ARAP2: variants seen among roughly 807,000 people sequenced by gnomAD.
ARAP2 encodes ArfGAP with RhoGAP domain, ankyrin repeat and PH domain 2, also known as arf-GAP with Rho-GAP domain, ANK repeat and PH domain-containing protein 2.
A neutral mutation model predicts 194.5 loss-of-function variants in ARAP2; 148 were observed. The observed-to-expected ratio is 0.76, with a 90% CI of 0.67 to 0.87. The LOEUF is 0.87. Among genes scored for constraint, ARAP2 ranks in the 40% least tolerant of loss-of-function variants. The pLI is 0.00. For synonymous variants in ARAP2, 695 were observed against 683.5 expected (o/e 1.02, Z -0.26); for missense variants, 2,128 against 1,989.7 (o/e 1.07, Z -1.32).
intron 9 of ARAP2, among the ~76,000 whole-genome samples, chr4:36,167,471 A>C (rs1042436614): frequency 5.3e-5 from 8 of 152,172 alleles, no homozygotes; most frequent in African/African-American, 1.9e-4. Flanking sequence ...CAAAGGAAGA[A>C]GGTTACATGG....
chr4:36,238,731 A>G (rs1325758773), intron 1 of ARAP2, among the ~76,000 whole-genome samples: 1 of 152,236 alleles, frequency 6.6e-6, no homozygotes, highest in Non-Finnish European at 1.5e-5. Flanking sequence ...AAATTAAGGG[A>G]GAACATCTTT....
At chr4:36,175,058 T>C (rs966748225) in intron 9 of ARAP2, among the ~76,000 whole-genome samples, 9 of 152,206 alleles carry the variant, frequency 5.9e-5, no homozygotes, top group African/African-American at 2.2e-4. Flanking sequence ...ATTCTATTCA[T>C]GCTATTAAGT....
Position 36,147,541 on chromosome 4 carries a change from CT to C in ARAP2, c.3199+6del, listed in dbSNP as rs1214288274. 1.2e-6 allele frequency: 2 copies of C among 1,601,716 alleles called. No homozygotes were observed. The highest frequency in any genetic ancestry group is 1.7e-6 in the Non-Finnish European group (2 of 1,176,110). On this transcript the variant is annotated splice_donor_region_variant and intron_variant, in intron 18 of 32. Transcript: ENST00000303965. ...TTCCAAAGATAAGGGAAGAAAAAAG[CT>C]CTTACTTAGCTCTTGCAGTCTTCTT...
rs566064313 is a variant in ARAP2 at position 36,239,715 on chromosome 4, C to T, written c.-160+4464G>A. ...TTCACAGCATTGTAAATATACTTAG[C>T]GTTACTGAACTATACACTTTAAAAT... On this transcript the variant is annotated intron_variant, in intron 1 of 32. Transcript: ENST00000303965. 2.5e-4 allele frequency among the ~76,000 whole-genome samples: 38 copies of T among 152,266 alleles called. 1 individual carries two copies. In the South Asian group the frequency reaches 7.3e-3, roughly 29 times the overall value.
chr4:36,048,987 C>T (rs1171190487), intron 3 of ARAP2, among the ~76,000 whole-genome samples: 10 of 152,048 alleles, frequency 6.6e-5, no homozygotes, highest in East Asian at 3.9e-4. Flanking sequence ...TGTCTCTAAC[C>T]GGTACCATAC....
chr4:36,188,038 C>T (rs1740964472), intron 7 of ARAP2, among the ~76,000 whole-genome samples: 1 of 152,202 alleles, frequency 6.6e-6, no homozygotes, highest in Non-Finnish European at 1.5e-5. Flanking sequence ...AACCATGTTA[C>T]TCAAAGCTCT....
At chr4:36,065,379 C>A, downstream of ARAP2, 2 of 523,532 alleles carry the variant, frequency 3.8e-6, no homozygotes, top group Non-Finnish European at 3.9e-6. Flanking sequence ...CTCATAGTGC[C>A]AGGGCCCCAG....
chr4:36,113,008 C>T (rs1408718633), intron 26 of ARAP2, among the ~76,000 whole-genome samples: 9 of 151,694 alleles, frequency 5.9e-5, no homozygotes, highest in Admixed American at 5.9e-4. Flanking sequence ...GTTTAGAAAA[C>T]AGAATAAGGA....
chr4:36,071,082 G>A (rs976969976), intron 32 of ARAP2, among the ~76,000 whole-genome samples: 9 of 152,040 alleles, frequency 5.9e-5, no homozygotes, highest in East Asian at 5.8e-4. Context: ...TTCTTTGCTC[G>A]TTATTTTTGT....
At chr4:36,092,167 G>T in intron 27 of ARAP2, 147 bp from the exon 28 acceptor site, 1 of 885,034 alleles carries the variant, frequency 1.1e-6, no homozygotes, top group Non-Finnish European at 1.6e-6. Flanking sequence ...GGAATACCAT[G>T]TGTCTGAAGT....
chr4:36,084,519 A>G (rs1730365322), intron 28 of ARAP2, among the ~76,000 whole-genome samples: 3 of 152,160 alleles, frequency 2.0e-5, no homozygotes, highest in Admixed American at 2.0e-4. Context: ...ATATATGAAC[A>G]CATATTGAGG....
chr4:36,144,745 T>A (rs1729215362), intron 19 of ARAP2, among the ~76,000 whole-genome samples: 2 of 151,878 alleles, frequency 1.3e-5, no homozygotes, highest in African/African-American at 4.8e-5. Context: ...TATATTTTTA[T>A]ATCGCAGTTA....
chr4:36,107,821 ATGTT>A (rs976544277), intron 26 of ARAP2, 128 bp from the exon 27 acceptor site: 5 of 29,714 alleles, frequency 1.7e-4, no homozygotes, highest in African/African-American at 3.4e-4. Flanking sequence ...ATCATATCTT[ATGTT>A]ATATTATACA....
In ARAP2 at chr4:36,210,614, G is replaced by A. The variant is rs1203425953; in HGVS notation, c.1263C>T (p.Cys421=). 2 of 1,613,860 alleles carry A rather than the reference G, an allele frequency of 1.2e-6. No homozygotes were observed. Among genetic ancestry groups the A allele is most frequent in the Non-Finnish European group, 1.7e-6 (2 of 1,179,850 alleles). ...SESEYSTVEE[C]FQSLRRKNSK... ...AATTTTTTCTTCTTAAACTCTGAAAGCATTCTTCTACTGTTGAGTATTCTG... is the reference window on the plus strand; with the variant it reads ...AATTTTTTCTTCTTAAACTCTGAAAACATTCTTCTACTGTTGAGTATTCTG... The change falls in exon 6 of 33, where the codon TGC becomes TGT. Residue 421 remains cysteine (C), a synonymous_variant. Transcript: ENST00000303965.
At chr4:36,240,130 A>C (rs1346285882) in intron 1 of ARAP2, among the ~76,000 whole-genome samples, 1 of 152,064 alleles carries the variant, frequency 6.6e-6, no homozygotes, top group Non-Finnish European at 1.5e-5. Context: ...TAGTATTTCT[A>C]TTAGAATTAA....
At position 36,114,291 on chromosome 4, in the gene ARAP2, T is replaced by C. The variant is rs1463598117; in HGVS notation, c.4039-4A>G. ...CTGCTTCCATCACAGGAGATATCTGTAAGAGAAGTAATATTTTTTCAAAAA... is the reference window on the plus strand; with the variant it reads ...CTGCTTCCATCACAGGAGATATCTGCAAGAGAAGTAATATTTTTTCAAAAA... On this transcript the variant is annotated splice_region_variant and splice_polypyrimidine_tract_variant and intron_variant, in intron 25 of 32. Coordinates refer to ENST00000303965, the MANE Select transcript of ARAP2 (RefSeq NM_015230.4). 1 of 1,535,772 alleles carries C rather than the reference T, an allele frequency of 6.5e-7. No homozygotes were observed. Among genetic ancestry groups the C allele is most frequent in the Non-Finnish European group, 8.9e-7 (1 of 1,121,558 alleles).
chr4:36,133,508 A>C (rs1185720103), intron 19 of ARAP2, 119 bp from the exon 20 acceptor site: 45 of 884,812 alleles, frequency 5.1e-5, no homozygotes, highest in Non-Finnish European at 7.1e-5. Context: ...CTTTTATCTC[A>C]TCCACCACGA....
chr4:36,078,351 G>A (rs1235163535), intron 31 of ARAP2, among the ~76,000 whole-genome samples: 1 of 152,128 alleles, frequency 6.6e-6, no homozygotes, highest in African/African-American at 2.4e-5. Flanking sequence ...GGATATTTAA[G>A]CTGAAGTCTA....
At chr4:36,117,600 C>T (rs1048288722) in intron 24 of ARAP2, among the ~76,000 whole-genome samples, 24 of 151,460 alleles carry the variant, frequency 1.6e-4, no homozygotes, top group African/African-American at 5.3e-4. Flanking sequence ...TGGCTTGCTA[C>T]GTTTTTAAAG....
Sources: allele counts gnomAD v4.1 joint callset (sites outside exome capture counted in the v4.1 genomes callset), GRCh38; gene constraint gnomAD v4.1.1; transcripts MANE v1.5; gene names NCBI Gene and HGNC (gene_info 2026-07-23, HGNC 2026-07-21).